Variants in MALT1 observed in about 807,000 individuals in gnomAD.
MALT1 encodes the protein mucosa-associated lymphoid tissue lymphoma translocation protein 1.
In MALT1, 36 loss-of-function variants were observed where a neutral mutation model predicts 85.5. The observed-to-expected ratio is 0.42, with a 90% CI of 0.32 to 0.56. MALT1 has a LOEUF of 0.56. MALT1 is among the 20% of genes least tolerant of loss of function. The pLI is 0.10. For synonymous variants in MALT1, 359 were observed against 361.3 expected (o/e 0.99, Z 0.07); for missense variants, 716 against 981.6 (o/e 0.73, Z 3.62).
At chr18:58,726,256 T>A (rs1411590608) in intron 10 of MALT1, among the ~76,000 whole-genome samples, 2 of 152,234 alleles carry the variant, frequency 1.3e-5, no homozygotes, top group Admixed American at 1.3e-4. Context: ...TCCTACTGAT[T>A]CGTGTCTTAA....
intron 14 of MALT1, among the ~76,000 whole-genome samples, chr18:58,743,570 TAAAAC>T (rs1393235923): frequency 6.6e-6 from 1 of 151,420 alleles, no homozygotes; most frequent in Admixed American, 6.6e-5. Flanking sequence ...CGAAACTTCA[TAAAAC>T]AAAATGAAAA....
intron 16 of MALT1, among the ~76,000 whole-genome samples, 166 bp from the exon 17 acceptor site, chr18:58,747,239 C>T (rs371154461): frequency 2.6e-5 from 4 of 152,014 alleles, no homozygotes; most frequent in Middle Eastern, 3.4e-3. Context: ...TGATAGCTGG[C>T]GTTTCTCAGT....
At chr18:58,727,616 G>GTTTTTGTTTTTTTT (rs2055077514) in intron 10 of MALT1, among the ~76,000 whole-genome samples, 1 of 121,264 alleles carries the variant, frequency 8.2e-6, no homozygotes, top group African/African-American at 3.3e-5. Flanking sequence ...GGTTTTTTGT[G>GTTTTTGTTTTTTTT]TTTTTTTTTT....
intron 1 of MALT1, among the ~76,000 whole-genome samples, chr18:58,680,177 C>A (rs970277226): frequency 1.3e-5 from 2 of 152,194 alleles, no homozygotes; most frequent in African/African-American, 4.8e-5. Context: ...TCAGAGTTTA[C>A]TCTCCATGTA....
chr18:58,682,870 T>C (rs2054343065), intron 2 of MALT1, among the ~76,000 whole-genome samples: 1 of 152,198 alleles, frequency 6.6e-6, no homozygotes, highest in Non-Finnish European at 1.5e-5. Flanking sequence ...AATAGGCCTC[T>C]GATAAATGCC....
intron 9 of MALT1, among the ~76,000 whole-genome samples, chr18:58,720,007 A>G (rs188682053): frequency 1.3e-3 from 197 of 152,378 alleles, no homozygotes; most frequent in Non-Finnish European, 2.0e-3. Flanking sequence ...GATTAATGAT[A>G]TAACACCAGT....
At chr18:58,690,101 C>T (rs916817801) in intron 2 of MALT1, among the ~76,000 whole-genome samples, 2 of 152,238 alleles carry the variant, frequency 1.3e-5, no homozygotes, top group African/African-American at 4.8e-5. Flanking sequence ...TTGCGGCACC[C>T]ATGTGTCTAG....
In MALT1 at chr18:58,723,033, CTT is replaced by C; in HGVS notation, c.1019-7_1019-6del. The C allele has an allele frequency of 6.4e-7, 1 of 1,574,060 alleles. No individual in the cohort carries two copies. ...TATATCTTCTTTAAACACCCCCTTT[CTT>C]TTTTTTTCAAAGCGAAGGACAAGGT... On this transcript the variant is annotated splice_polypyrimidine_tract_variant and intron_variant, in intron 9 of 16. Coordinates refer to ENST00000649217, the MANE Select transcript of MALT1 (RefSeq NM_006785.4).
intron 4 of MALT1, 56 bp from the exon 5 acceptor site, chr18:58,709,322 G>A (rs2054799598): frequency 4.1e-6 from 5 of 1,220,782 alleles, no homozygotes; most frequent in Admixed American, 2.6e-5. Flanking sequence ...TTTAATTATA[G>A]GGAAATTTTA....
intron 13 of MALT1, among the ~76,000 whole-genome samples, chr18:58,739,339 A>G (rs1349849437): frequency 6.6e-6 from 1 of 152,176 alleles, no homozygotes; most frequent in Non-Finnish European, 1.5e-5. Context: ...TAGTGGTATC[A>G]GTGTTATCAG....
chr18:58,709,358 ATTTT>A lies in MALT1; in HGVS notation c.650-17_650-14del, dbSNP rs1009578705. On this transcript the variant is annotated splice_polypyrimidine_tract_variant and intron_variant, in intron 4 of 16. Transcript: ENST00000649217. Reference sequence around the variant, plus strand: ...TTTTTATTTTTAACCTAGAGATTTTATTTTTTCTTTTAATTTAAGGAAGTGTTGA... The same window carrying A: ...TTTTTATTTTTAACCTAGAGATTTTATTCTTTTAATTTAAGGAAGTGTTGA... 1 of 1,508,782 alleles carries A rather than the reference ATTTT, an allele frequency of 6.6e-7. No homozygotes were observed. The highest frequency in any genetic ancestry group is 1.4e-5 in the African/African-American group (1 of 70,788). 93.5% of individuals were successfully genotyped at this position (1,508,782 alleles called of 1,614,324 possible). A position where few individuals can be genotyped will look rare whatever the true frequency, so the allele number is the denominator to read the frequency against.
In MALT1 at chr18:58,751,988, A is replaced by ATTGCC. The variant is rs1393882938; in HGVS notation, c.*4149_*4153dup. 6.6e-6 allele frequency: 1 copy of ATTGCC among 152,226 alleles called. No individual in the cohort carries two copies. Among genetic ancestry groups the ATTGCC allele is most frequent in the African/African-American group, 2.4e-5 (1 of 41,460 alleles). The allele number at this position is 152,226 out of a possible 1,614,324, so 9.4% of individuals were successfully genotyped here. ...TGGCACAGAAAAGGTCCATTTAGAC[A>ATTGCC]TTGCCTTCTTCCCCCATCTCTAATG... On this transcript the variant is annotated 3_prime_UTR_variant, in exon 17 of 17. Transcript: ENST00000649217.
At chr18:58,704,055 C>T (rs1019536862) in intron 4 of MALT1, among the ~76,000 whole-genome samples, 1 of 152,076 alleles carries the variant, frequency 6.6e-6, no homozygotes, top group Non-Finnish European at 1.5e-5. Flanking sequence ...TATGGATTGA[C>T]TAGTTTGTTT....
chr18:58,723,343 G>T, intron 10 of MALT1, 92 bp downstream of exon 10: 7 of 875,028 alleles, frequency 8.0e-6, no homozygotes, highest in East Asian at 2.7e-5. Flanking sequence ...ATAAAGATAA[G>T]GTAAACATGT....
intron 2 of MALT1, chr18:58,690,322 TTGG>T (rs1034016169): frequency 1.8e-4 from 27 of 152,466 alleles, no homozygotes; most frequent in African/African-American, 6.3e-4. Context: ...CAGTATGGTG[TTGG>T]TGGTCTTAAG....
chr18:58,716,716 A>C (rs1452050258), intron 9 of MALT1, among the ~76,000 whole-genome samples: 1 of 152,218 alleles, frequency 6.6e-6, no homozygotes, highest in Admixed American at 6.5e-5. Context: ...ATTTGTTGGA[A>C]AGAAAGAGTG....
chr18:58,707,351 TTTTC>T (rs956413315), intron 4 of MALT1, among the ~76,000 whole-genome samples: 3 of 150,898 alleles, frequency 2.0e-5, no homozygotes, highest in African/African-American at 4.9e-5. Context: ...TCAGCTCTGC[TTTTC>T]TTTTTCTTTT....
intron 10 of MALT1, among the ~76,000 whole-genome samples, chr18:58,732,534 A>G (rs1219092134): frequency 6.6e-6 from 1 of 152,194 alleles, no homozygotes; most frequent in East Asian, 1.9e-4. Context: ...TTATAAAACT[A>G]TATATTTTAA....
intron 4 of MALT1, among the ~76,000 whole-genome samples, chr18:58,706,886 C>A (rs907747219): frequency 6.6e-6 from 1 of 152,076 alleles, no homozygotes. Context: ...GATTCTTGGA[C>A]CTGTAAGTTA....
Sources: allele counts gnomAD v4.1 joint callset (sites outside exome capture counted in the v4.1 genomes callset), GRCh38; gene constraint gnomAD v4.1.1; transcripts MANE v1.5; gene names NCBI Gene and HGNC (gene_info 2026-07-23, HGNC 2026-07-21).